Variants in ENO3 observed in about 807,000 individuals in gnomAD.
The protein encoded by ENO3 is enolase 3.
ENO3 carries 46 observed loss-of-function variants against 47.7 expected under a neutral mutation model. The observed-to-expected ratio is 0.96, with a 90% CI of 0.76 to 1.23. The LOEUF (loss-of-function observed/expected upper bound fraction) is 1.23, where lower values mean the gene tolerates loss of function less well. ENO3 is among the 50% of genes most tolerant of loss of function. The probability of loss-of-function intolerance (pLI) is 0.00; values close to 1 mark genes in which losing one functional copy is unlikely to be tolerated. For missense variants in ENO3, 575 were observed against 566.2 expected, an observed-to-expected ratio of 1.02 and a Z score of -0.16; for synonymous variants, 223 against 225.9, an observed-to-expected ratio of 0.99 and a Z score of 0.11.
chr17:4,956,139 C>A lies in ENO3; in HGVS notation c.1063C>A (p.Gln355Lys), dbSNP rs369177998. The change falls in exon 9 of 12, where the codon CAG (glutamine) becomes AAG (lysine). Residue 355 changes from glutamine to lysine, a missense_variant. Coordinates refer to ENST00000519602, the MANE Select transcript of ENO3 (RefSeq NM_053013.4). ...GATCGGCTCGGTGACCGAATCGATC[C>A]AGGCGTGAGTGCCTCCTGACCCTGA... ...NQIGSVTESI[Q>K]ACKLAQSNGW... is the part of the protein sequence containing the mutation. 1 of 1,613,896 alleles carries A rather than the reference C, an allele frequency of 6.2e-7. No homozygotes were observed. Among genetic ancestry groups the A allele is most frequent in the Non-Finnish European group, 8.5e-7 (1 of 1,179,954 alleles).
Position 4,955,439 on chromosome 17 carries a change from G to A in ENO3, c.700G>A (p.Ala234Thr), listed in dbSNP as rs541647294. The change falls in exon 8 of 12, where the codon GCT becomes ACT. Residue 234 changes from alanine to threonine, a missense_variant. Transcript: ENST00000519602. ...GCTGCTGAAGACGGCCATCCAGGCG[G>A]CTGGTTACCCAGACAAGGTGGTGAT... Reference protein sequence around the residue: ...LELLKTAIQAAGYPDKVVIGM... With the variant: ...LELLKTAIQATGYPDKVVIGM... 6.2e-7 allele frequency: 1 copy of A among 1,614,262 alleles called. No individual in the cohort carries two copies. The highest frequency in any genetic ancestry group is 1.7e-5 in the Admixed American group (1 of 60,032).
chr17:4,951,218 G>GTAAA, intron 1 of ENO3, 36 bp downstream of exon 1: 1 of 994,578 alleles, frequency 1.0e-6, no homozygotes, highest in South Asian at 4.4e-5. Context: ...GGTGGAGGTA[G>GTAAA]TAAAGGGTGA....
chr17:4,949,908 C>T (rs1309712276), upstream of ENO3, among the ~76,000 whole-genome samples: 1 of 152,064 alleles, frequency 6.6e-6, no homozygotes, highest in African/African-American at 2.4e-5. Context: ...CGGCGCTCCC[C>T]GCCCGCCATC....
At chr17:4,951,946 C>T in intron 2 of ENO3, 32 bp downstream of exon 2, 1 of 1,611,138 alleles carries the variant, frequency 6.2e-7, no homozygotes, top group Admixed American at 1.7e-5. Flanking sequence ...AGGCTCGCCT[C>T]CGAAGACCCC....
chr17:4,949,447 G>A (rs954393368), upstream of ENO3, among the ~76,000 whole-genome samples: 3 of 152,250 alleles, frequency 2.0e-5, no homozygotes, highest in African/African-American at 7.2e-5. Context: ...GTCTGCAGAG[G>A]TCACAGAGCG....
chr17:4,953,129 C>A lies in ENO3; in HGVS notation c.240+20C>A, dbSNP rs761512276. The A allele has an allele frequency of 2.5e-6, 4 of 1,614,156 alleles. No individual in the cohort carries two copies. Among genetic ancestry groups the A allele is most frequent in the Non-Finnish European group, 3.4e-6 (4 of 1,180,030 alleles). Reference sequence around the variant, plus strand: ...CAAAAGGCAAGTGGGGAAGCCCGCTCGCTGCAGCCTCCTCCCCATGCCCCT... The same window carrying A: ...CAAAAGGCAAGTGGGGAAGCCCGCTAGCTGCAGCCTCCTCCCCATGCCCCT... On this transcript the variant is annotated intron_variant, in intron 4 of 11. Coordinates refer to ENST00000519602, the MANE Select transcript of ENO3 (RefSeq NM_053013.4).
rs144800857 is a variant in ENO3 at position 4,955,653 on chromosome 17, G to A, written c.865+49G>A. On this transcript the variant is annotated intron_variant, in intron 8 of 11. Coordinates refer to ENST00000519602, the MANE Select transcript of ENO3 (RefSeq NM_053013.4). ...GTTCCTGCCCGAATCCCGTGCAGCT[G>A]CCTAATATACTGATTTCAGTGACCT... 163 of 1,609,332 alleles carry A rather than the reference G, an allele frequency of 1.0e-4. No homozygotes were observed. The African/African-American group carries it at 1.9e-3, about 19-fold the overall frequency.
At chr17:4,948,909 C>T (rs1434545589), upstream of ENO3, 1 of 152,620 alleles carries the variant, frequency 6.6e-6, no homozygotes. Context: ...TTCGGGGAGC[C>T]CAGGGTTAAA....
chr17:4,956,654 C>A lies in ENO3; in HGVS notation c.1149C>A (p.Asp383Glu). ...SGETEDTFIA[D>E]LVVGLCTGQI... ...AGACTGAGGACACATTCATTGCTGACCTTGTGGTGGGGCTCTGCACAGGAC... is the reference window on the plus strand; with the variant it reads ...AGACTGAGGACACATTCATTGCTGAACTTGTGGTGGGGCTCTGCACAGGAC... Residue 383 changes from aspartate to glutamate, a missense_variant, in exon 10 of 12, where the codon GAC (aspartate) becomes GAA (glutamate). Transcript: ENST00000519602. 2 of 1,614,212 alleles carry A rather than the reference C, an allele frequency of 1.2e-6. No homozygotes were observed. The highest frequency in any genetic ancestry group is 1.7e-6 in the Non-Finnish European group (2 of 1,180,036).
chr17:4,952,777 C>T lies in ENO3; in HGVS notation c.86-18C>T, dbSNP rs780781866. ...GCGCCCAGCCATCCCTGTGATCTTCCAATTCCTCCTGTCCCAGGCCGATTC... is the reference window on the plus strand; with the variant it reads ...GCGCCCAGCCATCCCTGTGATCTTCTAATTCCTCCTGTCCCAGGCCGATTC... On this transcript the variant is annotated intron_variant, in intron 2 of 11. Coordinates refer to ENST00000519602, the MANE Select transcript of ENO3 (RefSeq NM_053013.4). 22 of 1,598,884 alleles carry T rather than the reference C, an allele frequency of 1.4e-5. No homozygotes were observed. The East Asian group carries it at 1.6e-4, about 11-fold the overall frequency.
Position 4,953,839 on chromosome 17 carries a change from A to C in ENO3, c.438A>C (p.Pro146=). The change falls in exon 6 of 12, where the codon CCA becomes CCC. Residue 146 remains proline, a synonymous_variant. Coordinates refer to ENST00000519602, the MANE Select transcript of ENO3 (RefSeq NM_053013.4). The stretch of plus-strand genomic sequence containing the variant: ...CTGGGAACCCTGACCTCATACTCCC[A>C]GTGCCAGTGAGTGCAGCTACCCGCC... ...DLAGNPDLIL[P]VPAFNVINGG... is the part of the protein sequence containing the mutation. 6.2e-7 allele frequency: 1 copy of C among 1,614,088 alleles called. No individual in the cohort carries two copies. Among genetic ancestry groups the C allele is most frequent in the Non-Finnish European group, 8.5e-7 (1 of 1,180,000 alleles).
chr17:4,953,797 C>T lies in ENO3; in HGVS notation c.396C>T (p.Arg132=). ...CTGAGAAGGGGGTCCCCCTGTACCG[C>T]CACATCGCAGATCTCGCTGGGAACC... The part of the protein sequence containing the change: ...GAAEKGVPLY[R]HIADLAGNPD... Residue 132 remains arginine, a synonymous_variant, in exon 6 of 12, where the codon CGC becomes CGT. Coordinates refer to ENST00000519602, the MANE Select transcript of ENO3 (RefSeq NM_053013.4). The T allele has an allele frequency of 1.2e-6, 2 of 1,614,210 alleles. No individual in the cohort carries two copies. The highest frequency in any genetic ancestry group is 2.2e-5 in the South Asian group (2 of 91,082).
chr17:4,955,092 C>G lies in ENO3; in HGVS notation c.462C>G (p.Asn154Lys). ...ILPVPAFNVI[N>K]GGSHAGNKLA... ...CATCTCAGGCCTTCAATGTGATCAA[C>G]GGGGGCTCCCATGCTGGAAACAAGC... Residue 154 changes from asparagine to lysine, a missense_variant, in exon 7 of 12, where the codon AAC becomes AAG. Physicochemically the swap from Asn to Lys is moderately conservative, Grantham distance 94. Transcript: ENST00000519602. The G allele has an allele frequency of 6.3e-7, 1 of 1,597,062 alleles. No homozygotes were observed. The highest frequency in any genetic ancestry group is 8.6e-7 in the Non-Finnish European group (1 of 1,169,290).
upstream of ENO3, chr17:4,950,674 C>G (rs1971515004): frequency 1.0e-6 from 1 of 985,056 alleles, no homozygotes; most frequent in African/African-American, 1.8e-5. Flanking sequence ...CCGTCCTTTC[C>G]CCCACTGAGG....
Position 4,952,828 on chromosome 17 carries a change from C to T in ENO3, c.119C>T (p.Ser40Phe). 6.2e-6 allele frequency: 10 copies of T among 1,611,736 alleles called. No individual in the cohort carries two copies. The highest frequency in any genetic ancestry group is 8.5e-6 in the Non-Finnish European group (10 of 1,178,790). ...RFRAAVPSGA[S>F]TGIYEALELR... Reference sequence around the variant, plus strand: ...CGAGCAGCTGTGCCCAGTGGGGCTTCCACGGGTATCTATGAGGCTCTGGAA... The same window carrying T: ...CGAGCAGCTGTGCCCAGTGGGGCTTTCACGGGTATCTATGAGGCTCTGGAA... The change falls in exon 3 of 12, where the codon TCC becomes TTC. Residue 40 changes from serine to phenylalanine, a missense_variant. Ser to Phe is a radical substitution (Grantham distance 155). Coordinates refer to ENST00000519602, the MANE Select transcript of ENO3 (RefSeq NM_053013.4).
intron 6 of ENO3, 135 bp from the exon 7 acceptor site, chr17:4,954,940 G>T: frequency 3.1e-6 from 2 of 635,734 alleles, no homozygotes; most frequent in East Asian, 2.9e-5. Context: ...AGAGGCTCTT[G>T]AGCAAAACTA....
intron 5 of ENO3, among the ~76,000 whole-genome samples, 177 bp downstream of exon 5, chr17:4,953,518 C>T (rs1001631432): frequency 2.6e-5 from 4 of 152,202 alleles, no homozygotes; most frequent in Admixed American, 6.5e-5. Context: ...AGGCCTGGGC[C>T]GGGCTGTGGA....
In ENO3 at chr17:4,952,868, C is replaced by A. The variant is rs746259097; in HGVS notation, c.159C>A (p.Asp53Glu). The A allele has an allele frequency of 5.5e-5, 88 of 1,612,586 alleles. No homozygotes were observed. The East Asian group carries it at 1.9e-3, about 36-fold the overall frequency. ...IYEALELRDG[D>E]KGRYLGKGVL... ...AGGCTCTGGAACTAAGAGACGGAGA[C>A]AAAGGCCGCTACCTGGGGAAAGGTG... The change falls in exon 3 of 12, where the codon GAC (aspartate) becomes GAA (glutamate). Residue 53 changes from aspartate (D) to glutamate (E), a missense_variant. Asp to Glu is a conservative substitution (Grantham distance 45). Coordinates refer to ENST00000519602, the MANE Select transcript of ENO3 (RefSeq NM_053013.4).
At chr17:4,952,943 G>A (rs1166144232) in intron 3 of ENO3, 53 bp downstream of exon 3, 30 of 1,610,480 alleles carry the variant, frequency 1.9e-5, no homozygotes, top group Admixed American at 3.4e-5. Context: ...TAGGACATGG[G>A]TGCACAATGG....
Sources: gnomAD v4.1 joint callset for allele counts (sites outside exome capture counted in the v4.1 genomes callset) on GRCh38, gnomAD v4.1.1 for gene constraint, MANE v1.5 for transcripts, NCBI Gene and HGNC (gene_info 2026-07-23, HGNC 2026-07-21) for gene names.